The following CORT variants were observed in gnomAD, a reference collection of about 807,000 sequenced individuals.
CORT encodes the protein cortistatin-14.
Under a neutral mutation model 4.4 loss-of-function variants are expected in CORT, and 2 were observed. The observed-to-expected ratio is 0.46, with a 90% CI of 0.19 to 1.44. The LOEUF (loss-of-function observed/expected upper bound fraction) is 1.44. CORT is among the 40% of genes most tolerant of loss of function. The probability of loss-of-function intolerance (pLI) is 0.26; values close to 1 mark genes in which losing one functional copy is unlikely to be tolerated. For synonymous variants in CORT, 72 were observed against 62.0 expected (o/e 1.16, Z -0.75); for missense variants, 158 against 140.2 (o/e 1.13, Z -0.64).
rs778587456 is a variant in CORT at position 10,451,620 on chromosome 1, A to G, written c.*25A>G. ...AAACCTCACCCATGAATGCTCACGC[A>G]AGTGTAATGACAGACCTGAATAAAA... On this transcript the variant is annotated 3_prime_UTR_variant, in exon 2 of 2. Transcript: ENST00000377049. The G allele has an allele frequency of 6.3e-7, 1 of 1,599,674 alleles. No homozygotes were observed.
At position 10,451,741 on chromosome 1, in the gene CORT, C is replaced by T. The variant is rs1182532415; in HGVS notation, c.*146C>T. 4 of 1,309,738 alleles carry T rather than the reference C, an allele frequency of 3.1e-6. No individual in the cohort carries two copies. The highest frequency in any genetic ancestry group is 4.0e-6 in the Non-Finnish European group (4 of 992,570). 81.1% of individuals were successfully genotyped at this position (1,309,738 alleles called of 1,614,324 possible). On this transcript the variant is annotated 3_prime_UTR_variant, in exon 2 of 2. Coordinates refer to ENST00000377049, the MANE Select transcript of CORT (RefSeq NM_001302.5). ...CCAATAATGCCCAATACTGACGTGT[C>T]TTGAGTAATTTGGAACCCAAAGTGA...
At chr1:10,451,199 G>T (rs561021652) in intron 1 of CORT, among the ~76,000 whole-genome samples, 178 bp from the exon 2 acceptor site, 1 of 152,300 alleles carries the variant, frequency 6.6e-6, no homozygotes, top group East Asian at 1.9e-4. Context: ...AAATGGAAAT[G>T]AGGCTTATCG....
In CORT at chr1:10,450,269, A is replaced by G; in HGVS notation, c.46A>G (p.Thr16Ala). 1.3e-6 allele frequency: 2 copies of G among 1,564,348 alleles called. No homozygotes were observed. The highest frequency in any genetic ancestry group is 2.3e-5 in the East Asian group (1 of 43,660). ...GLLLLLLSGA[T>A]ATAALPLEGG... Reference sequence around the variant, plus strand: ...CCTGCTGCTGCTGCTCTCCGGGGCCACGGCCACCGCTGCCCTGCCCCTGGA... The same window carrying G: ...CCTGCTGCTGCTGCTCTCCGGGGCCGCGGCCACCGCTGCCCTGCCCCTGGA... The change falls in exon 1 of 2, where the codon ACG becomes GCG. Residue 16 changes from threonine (T) to alanine (A), a missense_variant. Physicochemically the swap from Thr to Ala is moderately conservative, Grantham distance 58 (BLOSUM62 0). Coordinates refer to ENST00000377049, the MANE Select transcript of CORT (RefSeq NM_001302.5).
At position 10,451,494 on chromosome 1, in the gene CORT, G is replaced by A. The variant is rs1158317510; in HGVS notation, c.217G>A (p.Val73Met). ...CCTCATAGGAGAGGAAGCCCGGGAG[G>A]TGGCCAGGCGGCAGGAAGGCGCACC... ...GPLIGEEAREVARRQEGAPPQ... is the reference protein window; with the variant it reads ...GPLIGEEAREMARRQEGAPPQ... Residue 73 changes from valine to methionine, a missense_variant, in exon 2 of 2, where the codon GTG becomes ATG. By Grantham distance (21) the Val-to-Met change is conservative (BLOSUM62 1). Coordinates refer to ENST00000377049, the MANE Select transcript of CORT (RefSeq NM_001302.5). 2 of 1,614,110 alleles carry A rather than the reference G, an allele frequency of 1.2e-6. No homozygotes were observed. The highest frequency in any genetic ancestry group is 2.2e-5 in the South Asian group (2 of 91,080).
chr1:10,450,044 G>A lies in CORT; in HGVS notation c.-180G>A. The stretch of plus-strand genomic sequence containing the variant: ...TCCAGCTTCTGCGTCACTGCGCGAG[G>A]GAAGAGGGAAGAGGATCCAGGCGTT... On this transcript the variant is annotated 5_prime_UTR_variant, in exon 1 of 2. Coordinates refer to ENST00000377049, the MANE Select transcript of CORT (RefSeq NM_001302.5). 6.7e-7 allele frequency: 1 copy of A among 1,498,186 alleles called. No individual in the cohort carries two copies. The highest frequency in any genetic ancestry group is 9.0e-7 in the Non-Finnish European group (1 of 1,117,264). 92.8% of individuals were successfully genotyped at this position (1,498,186 alleles called of 1,614,324 possible).
chr1:10,451,531 CTG>C lies in CORT; in HGVS notation c.255_256del (p.Arg87ProfsTer24), dbSNP rs1470128730. On this transcript the variant is annotated frameshift_variant, in exon 2 of 2. Coordinates refer to ENST00000377049, the MANE Select transcript of CORT (RefSeq NM_001302.5). LOFTEE classifies it high-confidence loss of function. ...CAGGAAGGCGCACCCCCCCAGCAAT[CTG>C]CGCGCCGGGACAGAATGCCCTGCAG... is the stretch of plus-strand genomic sequence containing the variant. 1.9e-6 allele frequency: 3 copies of C among 1,613,942 alleles called. No homozygotes were observed. Among genetic ancestry groups the C allele is most frequent in the South Asian group, 1.1e-5 (1 of 91,066 alleles).
chr1:10,451,519 C>G lies in CORT; in HGVS notation c.242C>G (p.Pro81Arg). The G allele has an allele frequency of 6.2e-7, 1 of 1,613,962 alleles. No homozygotes were observed. The highest frequency in any genetic ancestry group is 8.5e-7 in the Non-Finnish European group (1 of 1,179,962). ...GTGGCCAGGCGGCAGGAAGGCGCAC[C>G]CCCCCAGCAATCTGCGCGCCGGGAC... ...REVARRQEGA[P>R]PQQSARRDRM... is the part of the protein sequence containing the mutation. The change falls in exon 2 of 2, where the codon CCC becomes CGC. Residue 81 changes from proline (P) to arginine (R), a missense_variant. Physicochemically the swap from Pro to Arg is moderately radical, Grantham distance 103. Coordinates refer to ENST00000377049, the MANE Select transcript of CORT (RefSeq NM_001302.5).
intron 1 of CORT, among the ~76,000 whole-genome samples, chr1:10,451,026 C>T (rs1640768536): frequency 6.6e-6 from 1 of 152,182 alleles, no homozygotes; most frequent in Admixed American, 6.5e-5. Context: ...AGCTGCCAGT[C>T]ACTGAGGGGA....
In CORT at chr1:10,451,774, TGATAAA is replaced by T; in HGVS notation, c.*183_*188del. ...ATTTGGAACCCAAAGTGAAGATCTT[TGATAAA>T]GATTTTTTTGTGGTTCGACTGGACT... is the stretch of plus-strand genomic sequence containing the variant. On this transcript the variant is annotated 3_prime_UTR_variant, in exon 2 of 2. Transcript: ENST00000377049. The T allele has an allele frequency of 1.8e-6, 2 of 1,102,542 alleles. No individual in the cohort carries two copies. The highest frequency in any genetic ancestry group is 2.5e-6 in the Non-Finnish European group (2 of 812,134). 68.3% of individuals were successfully genotyped at this position (1,102,542 alleles called of 1,614,324 possible).
chr1:10,451,771 C>T lies in CORT; in HGVS notation c.*176C>T, dbSNP rs935211593. Reference sequence around the variant, plus strand: ...GTAATTTGGAACCCAAAGTGAAGATCTTTGATAAAGATTTTTTTGTGGTTC... The same window carrying T: ...GTAATTTGGAACCCAAAGTGAAGATTTTTGATAAAGATTTTTTTGTGGTTC... On this transcript the variant is annotated 3_prime_UTR_variant, in exon 2 of 2. Coordinates refer to ENST00000377049, the MANE Select transcript of CORT (RefSeq NM_001302.5). The T allele has an allele frequency of 5.3e-6, 6 of 1,126,690 alleles. No individual in the cohort carries two copies. The highest frequency in any genetic ancestry group is 1.6e-5 in the African/African-American group (1 of 62,734). The allele number at this position is 1,126,690 out of a possible 1,614,324, so 69.8% of individuals were successfully genotyped here. A position where few individuals can be genotyped will look rare whatever the true frequency, so the allele number is the denominator to read the frequency against.
intron 1 of CORT, 48 bp from the exon 2 acceptor site, chr1:10,451,329 C>T (rs1463717970): frequency 2.0e-6 from 3 of 1,517,462 alleles, no homozygotes; most frequent in South Asian, 1.3e-5. Flanking sequence ...GCTGCCTGAG[C>T]CAGATTGCTG....
chr1:10,451,813 G>GT lies in CORT; in HGVS notation c.*219dup. ...TTGTGGTTCGACTGGACTGTGCTGAGTGCGGGCACTGGGCTTTTCTTCTGA... is the reference window on the plus strand; with the variant it reads ...TTGTGGTTCGACTGGACTGTGCTGAGTTGCGGGCACTGGGCTTTTCTTCTGA... On this transcript the variant is annotated 3_prime_UTR_variant, in exon 2 of 2. Coordinates refer to ENST00000377049, the MANE Select transcript of CORT (RefSeq NM_001302.5). 1 of 644,146 alleles carries GT rather than the reference G, an allele frequency of 1.6e-6. No homozygotes were observed. Among genetic ancestry groups the GT allele is most frequent in the Non-Finnish European group, 2.4e-6 (1 of 425,034 alleles). 39.9% of individuals were successfully genotyped at this position (644,146 alleles called of 1,614,324 possible).
chr1:10,450,227 C>G lies in CORT; in HGVS notation c.4C>G (p.Pro2Ala). The G allele has an allele frequency of 6.3e-7, 1 of 1,599,130 alleles. No homozygotes were observed. M[P>A]LSPGLLLLLL... ...GAAGCTCCAGTCAGCCCACAAGATGCCATTGTCCCCCGGCCTCCTGCTGCT... is the reference window on the plus strand; with the variant it reads ...GAAGCTCCAGTCAGCCCACAAGATGGCATTGTCCCCCGGCCTCCTGCTGCT... The change falls in exon 1 of 2, where the codon CCA (proline) becomes GCA (alanine). Residue 2 changes from proline (P) to alanine (A), a missense_variant. Transcript: ENST00000377049.
intron 1 of CORT, 47 bp downstream of exon 1, chr1:10,450,369 CTT>C (rs745394293): frequency 7.0e-7 from 1 of 1,432,334 alleles, no homozygotes. Flanking sequence ...CTCTCTGTCT[CTT>C]GTTGGCTTTT....
rs1217634775 is a variant in CORT, at chr1:10,451,629, G to A, written c.*34G>A. On this transcript the variant is annotated 3_prime_UTR_variant, in exon 2 of 2. Coordinates refer to ENST00000377049, the MANE Select transcript of CORT (RefSeq NM_001302.5). Reference sequence around the variant, plus strand: ...CCATGAATGCTCACGCAAGTGTAATGACAGACCTGAATAAAATGTATTAAG... The same window carrying A: ...CCATGAATGCTCACGCAAGTGTAATAACAGACCTGAATAAAATGTATTAAG... 2 of 1,582,508 alleles carry A rather than the reference G, an allele frequency of 1.3e-6. No homozygotes were observed. Among genetic ancestry groups the A allele is most frequent in the Admixed American group, 1.8e-5 (1 of 55,420 alleles).
chr1:10,450,713 C>T (rs79001360), intron 1 of CORT, among the ~76,000 whole-genome samples: 167 of 152,230 alleles, frequency 1.1e-3, no homozygotes, highest in East Asian at 4.4e-3. Context: ...TTACATTTTC[C>T]GTTGTGAGAA....
rs1448653825 is a variant in CORT at position 10,451,442 on chromosome 1, G to A, written c.165G>A (p.Glu55=). ...SLLTFLAWWF[E]WTSQASAGPL... is the part of the protein sequence containing the mutation. The stretch of plus-strand genomic sequence containing the variant: ...TGACTTTCCTCGCTTGGTGGTTTGA[G>A]TGGACCTCCCAGGCCAGTGCCGGGC... The change falls in exon 2 of 2, where the codon GAG becomes GAA. Residue 55 remains glutamate (E), a synonymous_variant. Coordinates refer to ENST00000377049, the MANE Select transcript of CORT (RefSeq NM_001302.5). 1.9e-6 allele frequency: 3 copies of A among 1,613,914 alleles called. No homozygotes were observed. Among genetic ancestry groups the A allele is most frequent in the Non-Finnish European group, 2.5e-6 (3 of 1,179,870 alleles).
Position 10,450,335 on chromosome 1 carries a change from C to A in CORT, c.99+13C>A. 6.8e-7 allele frequency: 1 copy of A among 1,475,716 alleles called. No homozygotes were observed. The highest frequency in any genetic ancestry group is 9.0e-7 in the Non-Finnish European group (1 of 1,111,698). The allele number at this position is 1,475,716 out of a possible 1,614,324, so 91.4% of individuals were successfully genotyped here. A position where few individuals can be genotyped will look rare whatever the true frequency, so the allele number is the denominator to read the frequency against. ...CCGAGACAGCGAGGTGAGTACAGTC[C>A]CGACGTGGCCACACGCTAGCCCACT... On this transcript the variant is annotated intron_variant, in intron 1 of 1. Coordinates refer to ENST00000377049, the MANE Select transcript of CORT (RefSeq NM_001302.5).
At chr1:10,451,298 A>C in intron 1 of CORT, 79 bp from the exon 2 acceptor site, 1 of 1,421,166 alleles carries the variant, frequency 7.0e-7, no homozygotes, top group Non-Finnish European at 9.2e-7. Context: ...TAAGGAGGAG[A>C]TTGCATATCT....
Sources: allele counts gnomAD v4.1 joint callset (sites outside exome capture counted in the v4.1 genomes callset), GRCh38; gene constraint gnomAD v4.1.1; transcripts MANE v1.5; gene names NCBI Gene and HGNC (gene_info 2026-07-23, HGNC 2026-07-21).